CADPS2: variants seen among roughly 807,000 people sequenced by gnomAD.
The protein encoded by CADPS2 is calcium-dependent secretion activator 2.
CADPS2 carries 93 observed loss-of-function variants against 172.5 expected under a neutral mutation model. That is an observed-to-expected ratio of 0.54 (90% CI 0.46 to 0.64). The LOEUF (loss-of-function observed/expected upper bound fraction) is 0.64. Ranked by LOEUF, CADPS2 falls within the 30% of genes least tolerant of loss-of-function variation. The pLI is 0.00. For synonymous variants in CADPS2, 546 were observed against 555.2 expected (o/e 0.98, Z 0.23); for missense variants, 1,420 against 1,565.9 (o/e 0.91, Z 1.57).
chr7:122,611,226 GA>G (rs2074251218), intron 6 of CADPS2, among the ~76,000 whole-genome samples: 1 of 151,870 alleles, frequency 6.6e-6, no homozygotes, highest in Non-Finnish European at 1.5e-5. Flanking sequence ...ATAAAATAGA[GA>G]ACAGAAAAAT....
At chr7:122,671,491 GGCCAA>G (rs2081851519) in intron 2 of CADPS2, among the ~76,000 whole-genome samples, 1 of 152,124 alleles carries the variant, frequency 6.6e-6, no homozygotes, top group Non-Finnish European at 1.5e-5. Context: ...CACTTTGGGA[GGCCAA>G]GCCTAGGAGT....
chr7:122,504,271 C>T (rs2059443949), intron 9 of CADPS2, among the ~76,000 whole-genome samples: 1 of 152,146 alleles, frequency 6.6e-6, no homozygotes, highest in African/African-American at 2.4e-5. Context: ...CAATGCATGC[C>T]TGTTACACAG....
At chr7:122,454,583 C>G (rs1243633687) in intron 14 of CADPS2, among the ~76,000 whole-genome samples, 1 of 152,132 alleles carries the variant, frequency 6.6e-6, no homozygotes, top group East Asian at 1.9e-4. Context: ...AAACCAATGA[C>G]ATTTAAAATA....
chr7:122,359,171 A>G (rs1222791752), intron 27 of CADPS2, among the ~76,000 whole-genome samples: 1 of 152,124 alleles, frequency 6.6e-6, no homozygotes, highest in African/African-American at 2.4e-5. Context: ...GCCTGTGAAT[A>G]GCCACCACAC....
chr7:122,651,215 C>T (rs899519901), intron 3 of CADPS2, among the ~76,000 whole-genome samples: 1 of 149,242 alleles, frequency 6.7e-6, no homozygotes, highest in East Asian at 2.0e-4. Context: ...AGACACATTA[C>T]TGTATGTTAA....
chr7:122,381,182 C>T (rs973300523), intron 24 of CADPS2, among the ~76,000 whole-genome samples: 12 of 152,070 alleles, frequency 7.9e-5, no homozygotes, highest in Admixed American at 2.6e-4. Context: ...GCTGACTGTG[C>T]GATGGAGAAG....
chr7:122,371,855 G>A lies in CADPS2; in HGVS notation c.3387+7513C>T, dbSNP rs751129422. On this transcript the variant is annotated intron_variant, in intron 25 of 29. Coordinates refer to ENST00000449022, the MANE Select transcript of CADPS2 (RefSeq NM_017954.11). ...AATGGGGTGATCAGTACTGCCAATG[G>A]AGACAGCAAATGCAAAACAAGAGGC... is the stretch of plus-strand genomic sequence containing the variant. Among the ~76,000 whole-genome samples the A allele has an allele frequency of 5.5e-4, 84 of 152,118 alleles. 1 individual carries two copies. The highest frequency in any genetic ancestry group is 1.3e-4 in the Admixed American group (2 of 15,270).
intron 1 of CADPS2, among the ~76,000 whole-genome samples, chr7:122,878,261 G>GA (rs34489409): frequency 0.62 from 70,584 of 113,004 alleles, 22,268 homozygotes; most frequent in East Asian, 0.83. Context: ...TCCGTCTCAA[G>GA]AAAAAAAAAA....
intron 2 of CADPS2, among the ~76,000 whole-genome samples, chr7:122,707,916 T>G (rs1417653933): frequency 2.6e-5 from 4 of 151,766 alleles, no homozygotes; most frequent in Non-Finnish European, 4.4e-5. Context: ...AAGGCATTTC[T>G]GGATTGTGGC....
At position 122,490,180 on chromosome 7, in the gene CADPS2, T is replaced by C. The variant is rs1363772232; in HGVS notation, c.1753A>G (p.Met585Val). The change falls in exon 11 of 30, where the codon ATG becomes GTG. Residue 585 changes from methionine to valine, a missense_variant. Met to Val is a conservative substitution (Grantham distance 21). Transcript: ENST00000449022. ...TATGATTGACCTGTGGCCCTATACA[T>C]GGCTTGAACCCATAATATTCTGTCC... Reference protein sequence around the residue: ...EQDRILWVQAMYRATGQSYKP... With the variant: ...EQDRILWVQAVYRATGQSYKP... 19 of 1,613,402 alleles carry C rather than the reference T, an allele frequency of 1.2e-5. No homozygotes were observed. The highest frequency in any genetic ancestry group is 2.7e-5 in the African/African-American group (2 of 74,906).
chr7:122,785,633 G>A (rs1269220453), intron 1 of CADPS2, among the ~76,000 whole-genome samples: 1 of 152,110 alleles, frequency 6.6e-6, no homozygotes, highest in Non-Finnish European at 1.5e-5. Context: ...CTCCTCTTGG[G>A]CTCAAGGACA....
chr7:122,741,165 C>T (rs887867011), intron 1 of CADPS2, among the ~76,000 whole-genome samples: 8 of 152,108 alleles, frequency 5.3e-5, no homozygotes, highest in South Asian at 2.1e-4. Context: ...AGAATGTAAA[C>T]ATTCTCTATG....
chr7:122,811,098 T>C (rs1799930038), intron 1 of CADPS2, among the ~76,000 whole-genome samples: 1 of 152,168 alleles, frequency 6.6e-6, no homozygotes, highest in Non-Finnish European at 1.5e-5. Context: ...TAATAAATAA[T>C]AGCTATTTTT....
At chr7:122,607,012 G>T (rs774061327) in intron 6 of CADPS2, among the ~76,000 whole-genome samples, 1 of 151,616 alleles carries the variant, frequency 6.6e-6, no homozygotes, top group Non-Finnish European at 1.5e-5. Context: ...ATGACAAACG[G>T]CATTTGCTAA....
At chr7:122,527,615 A>AGTGTGTGT (rs1356293722) in intron 8 of CADPS2, among the ~76,000 whole-genome samples, 1 of 94,242 alleles carries the variant, frequency 1.1e-5, no homozygotes, top group Non-Finnish European at 2.5e-5. Flanking sequence ...AGAGAGAGAG[A>AGTGTGTGT]GAGTGTGTGT....
chr7:122,846,808 G>C (rs1584885331), intron 1 of CADPS2, among the ~76,000 whole-genome samples: 1 of 152,142 alleles, frequency 6.6e-6, no homozygotes, highest in East Asian at 1.9e-4. Context: ...CTTCAAGCTG[G>C]CACCACTCCC....
At position 122,464,741 on chromosome 7, in the gene CADPS2, A is replaced by G. The variant is rs1024516964; in HGVS notation, c.2186+6634T>C. 2.6e-5 allele frequency among the ~76,000 whole-genome samples: 4 copies of G among 152,324 alleles called. No individual in the cohort carries two copies. The South Asian group carries it at 8.3e-4, about 32-fold the overall frequency. ...TTGACTAGTACTCCTCAAAACTGTC[A>G]AGGTCACAAAAAACAGACAAAAAAA... On this transcript the variant is annotated intron_variant, in intron 14 of 29. Coordinates refer to ENST00000449022, the MANE Select transcript of CADPS2 (RefSeq NM_017954.11).
chr7:122,656,442 G>T (rs1563979023), intron 3 of CADPS2, among the ~76,000 whole-genome samples: 1 of 152,056 alleles, frequency 6.6e-6, no homozygotes, highest in Admixed American at 6.6e-5. Flanking sequence ...AAAAAACAGA[G>T]AGAACAGGAG....
chr7:122,639,677 G>A (rs2077402812), intron 3 of CADPS2, among the ~76,000 whole-genome samples: 1 of 152,010 alleles, frequency 6.6e-6, no homozygotes, highest in South Asian at 2.1e-4. Flanking sequence ...GTCCCCAGTT[G>A]GTTAGTTTTA....
Sources: gnomAD v4.1 joint callset for allele counts (sites outside exome capture counted in the v4.1 genomes callset) on GRCh38, gnomAD v4.1.1 for gene constraint, MANE v1.5 for transcripts, NCBI Gene and HGNC (gene_info 2026-07-23, HGNC 2026-07-21) for gene names.